The following NKAIN1 variants were observed in gnomAD, a reference collection of about 807,000 sequenced individuals.
NKAIN1 encodes sodium/potassium-transporting ATPase subunit beta-1-interacting protein 1.
NKAIN1 carries 13 observed loss-of-function variants against 31.6 expected under a neutral mutation model. That is an observed-to-expected ratio of 0.41 (90% CI 0.27 to 0.65). The LOEUF is 0.65. Among genes scored for constraint, NKAIN1 ranks in the 30% least tolerant of loss-of-function variants. NKAIN1 has a pLI of 0.30. For synonymous variants in NKAIN1, 104 were observed against 109.0 expected, an observed-to-expected ratio of 0.95 and a Z score of 0.28; for missense variants, 193 against 262.2, an observed-to-expected ratio of 0.74 and a Z score of 1.82.
intron 1 of NKAIN1, among the ~76,000 whole-genome samples, chr1:31,222,781 C>A (rs1023159572): frequency 6.6e-6 from 1 of 152,146 alleles, no homozygotes; most frequent in African/African-American, 2.4e-5. Context: ...AGTTTGGAGT[C>A]CAAAAGGCCT....
chr1:31,188,738 C>T lies in NKAIN1; in HGVS notation c.55-551G>A, dbSNP rs1013588218. On this transcript the variant is annotated intron_variant, in intron 1 of 6. Transcript: ENST00000373736. ...CACACTAATGCTGTGCTTGCCCATG[C>T]GACTTGCTTTGCCTAAAGGGACTTT... 5.3e-5 allele frequency among the ~76,000 whole-genome samples: 8 copies of T among 152,300 alleles called. No individual in the cohort carries two copies. In the South Asian group the frequency reaches 6.2e-4, roughly 12 times the overall value.
chr1:31,205,159 G>A (rs1339328997), intron 1 of NKAIN1, among the ~76,000 whole-genome samples: 1 of 151,758 alleles, frequency 6.6e-6, no homozygotes, highest in Non-Finnish European at 1.5e-5. Context: ...TTTTGTTTGA[G>A]ATGGAGTCTC....
chr1:31,201,820 C>T (rs552116792), intron 1 of NKAIN1, among the ~76,000 whole-genome samples: 1 of 152,334 alleles, frequency 6.6e-6, no homozygotes, highest in South Asian at 2.1e-4. Context: ...GGCCGCCCAG[C>T]CTGTTTGCAT....
Position 31,239,443 on chromosome 1 carries a change from C to G in NKAIN1, c.54+51G>C. 7.2e-7 allele frequency: 1 copy of G among 1,386,034 alleles called. No individual in the cohort carries two copies. The highest frequency in any genetic ancestry group is 9.4e-7 in the Non-Finnish European group (1 of 1,060,294). 85.9% of individuals were successfully genotyped at this position (1,386,034 alleles called of 1,614,324 possible). A position where few individuals can be genotyped will look rare whatever the true frequency, so the allele number is the denominator to read the frequency against. ...ACCCCACCCGCACGCCCTGGGACCG[C>G]GCCCCGCCGCGCCCCACCCTGCCCC... On this transcript the variant is annotated intron_variant, in intron 1 of 6. Coordinates refer to ENST00000373736, the MANE Select transcript of NKAIN1 (RefSeq NM_024522.3). This position sits in a 1 kb window ranked among gnomAD's most constrained non-coding sequence, Gnocchi z 4.8.
At chr1:31,234,080 A>G (rs1293713403) in intron 1 of NKAIN1, among the ~76,000 whole-genome samples, 3 of 152,242 alleles carry the variant, frequency 2.0e-5, no homozygotes, top group Non-Finnish European at 4.4e-5. Flanking sequence ...TCTCCATTCT[A>G]CCCTGCTCCG....
chr1:31,184,087 GA>G, intron 3 of NKAIN1, 73 bp from the exon 4 acceptor site: 4 of 1,358,446 alleles, frequency 2.9e-6, no homozygotes, highest in Non-Finnish European at 4.1e-6. Flanking sequence ...AGCCCAGGAA[GA>G]CTATATTGAT....
intron 1 of NKAIN1, among the ~76,000 whole-genome samples, chr1:31,207,681 C>T (rs888867397): frequency 2.6e-5 from 4 of 152,128 alleles, no homozygotes; most frequent in African/African-American, 9.7e-5. Context: ...GCCCTGGCCA[C>T]GAGCTGTGCC....
chr1:31,210,289 TTC>T (rs952590262), intron 1 of NKAIN1, among the ~76,000 whole-genome samples: 1 of 98,158 alleles, frequency 1.0e-5, no homozygotes, highest in African/African-American at 3.4e-5. Context: ...GTTTTTGCCA[TTC>T]TTTTTTTTTT....
intron 1 of NKAIN1, among the ~76,000 whole-genome samples, chr1:31,203,009 C>T (rs1224697267): frequency 3.6e-5 from 5 of 140,194 alleles, no homozygotes; most frequent in Non-Finnish European, 7.6e-5. Flanking sequence ...GGCAGTGGCT[C>T]ACGCGGGTAA....
intron 1 of NKAIN1, among the ~76,000 whole-genome samples, chr1:31,237,558 G>A (rs1046940791): frequency 4.0e-5 from 6 of 151,676 alleles, no homozygotes; most frequent in Admixed American, 2.0e-4. Flanking sequence ...GGAGTGCAGC[G>A]GCGTGATCTC....
At chr1:31,214,944 C>T (rs1645499498) in intron 1 of NKAIN1, among the ~76,000 whole-genome samples, 2 of 152,196 alleles carry the variant, frequency 1.3e-5, no homozygotes, top group Admixed American at 1.3e-4. Flanking sequence ...TCCGGGCGCC[C>T]CCTAGGGCCA....
At chr1:31,189,882 T>C (rs1006396788) in intron 1 of NKAIN1, among the ~76,000 whole-genome samples, 5 of 152,188 alleles carry the variant, frequency 3.3e-5, no homozygotes, top group South Asian at 4.1e-4. Context: ...GGTGGCTGCC[T>C]TGGCCACCTC....
In NKAIN1 at chr1:31,180,415, G is replaced by A. The variant is rs1447145997; in HGVS notation, c.*1288C>T. 1.3e-5 allele frequency: 2 copies of A among 152,278 alleles called. No homozygotes were observed. The highest frequency in any genetic ancestry group is 1.9e-4 in the East Asian group (1 of 5,192). 9.4% of individuals were successfully genotyped at this position (152,278 alleles called of 1,614,324 possible). On this transcript the variant is annotated 3_prime_UTR_variant, in exon 7 of 7. Transcript: ENST00000373736. Reference sequence around the variant, plus strand: ...GTTCTCACCTCTACTTGCCCCCAAGGAAGGGTGAGGGTGCTGGCAATCCCG... The same window carrying A: ...GTTCTCACCTCTACTTGCCCCCAAGAAAGGGTGAGGGTGCTGGCAATCCCG...
At position 31,239,444 on chromosome 1, in the gene NKAIN1, G is replaced by A. The variant is rs548369343; in HGVS notation, c.54+50C>T. 8.8e-4 allele frequency: 1,217 copies of A among 1,388,108 alleles called. 1 individual carries two copies. Among genetic ancestry groups the A allele is most frequent in the Non-Finnish European group, 1.1e-3 (1,139 of 1,062,378 alleles). The allele number at this position is 1,388,108 out of a possible 1,614,324, so 86.0% of individuals were successfully genotyped here. A position where few individuals can be genotyped will look rare whatever the true frequency, so the allele number is the denominator to read the frequency against. On this transcript the variant is annotated intron_variant, in intron 1 of 6. Transcript: ENST00000373736. This position sits in a 1 kb window ranked among gnomAD's most constrained non-coding sequence, Gnocchi z 4.8. ...CCCCACCCGCACGCCCTGGGACCGC[G>A]CCCCGCCGCGCCCCACCCTGCCCCG...
chr1:31,208,651 C>A (rs916497739), intron 1 of NKAIN1, among the ~76,000 whole-genome samples: 1 of 150,926 alleles, frequency 6.6e-6, no homozygotes, highest in Admixed American at 6.6e-5. Flanking sequence ...GCCCTGGAAA[C>A]CTCTGATGTA....
At chr1:31,229,106 G>A (rs190289280) in intron 1 of NKAIN1, among the ~76,000 whole-genome samples, 7 of 152,340 alleles carry the variant, frequency 4.6e-5, no homozygotes, top group African/African-American at 1.4e-4. Flanking sequence ...CAGGCATTCT[G>A]TCTTGCAGCT....
chr1:31,216,785 C>T (rs1173336825), intron 1 of NKAIN1, among the ~76,000 whole-genome samples: 1 of 151,962 alleles, frequency 6.6e-6, no homozygotes, highest in Non-Finnish European at 1.5e-5. Context: ...CCTCCACCTC[C>T]GGGGTTCAAG....
chr1:31,199,646 G>A (rs1359141661), intron 1 of NKAIN1, among the ~76,000 whole-genome samples: 3 of 152,124 alleles, frequency 2.0e-5, no homozygotes, highest in African/African-American at 2.4e-5. Context: ...ATCTCCGGGG[G>A]TCCATCTGGG....
chr1:31,223,727 A>C (rs1024382681), intron 1 of NKAIN1, among the ~76,000 whole-genome samples: 3 of 152,178 alleles, frequency 2.0e-5, no homozygotes, highest in Non-Finnish European at 4.4e-5. Context: ...TACAGGCGTG[A>C]GCCACCACGC....
Sources: allele counts gnomAD v4.1 joint callset (sites outside exome capture counted in the v4.1 genomes callset), GRCh38; gene constraint gnomAD v4.1.1; non-coding constraint Gnocchi (gnomAD v3.1); transcripts MANE v1.5; gene names NCBI Gene and HGNC (gene_info 2026-07-23, HGNC 2026-07-21).